Variants in ANK2 observed in about 807,000 individuals in gnomAD.
ANK2 encodes the protein ankyrin-2.
In ANK2, 83 loss-of-function variants were observed where a neutral mutation model predicts 360.5. The observed-to-expected ratio is 0.23, with a 90% CI of 0.19 to 0.28. ANK2 has a LOEUF of 0.28. Among genes scored for constraint, ANK2 ranks in the 10% least tolerant of loss-of-function variants. The pLI, the probability that ANK2 is intolerant of heterozygous loss-of-function variation, is 1.00. For missense variants in ANK2, 4,201 were observed against 4,795.7 expected (o/e 0.88, Z 3.66); for synonymous variants, 1,740 against 1,759.5 (o/e 0.99, Z 0.28).
At chr4:112,878,368 C>T (rs1257385644) in intron 1 of ANK2, among the ~76,000 whole-genome samples, 1 of 151,970 alleles carries the variant, frequency 6.6e-6, no homozygotes, top group African/African-American at 2.4e-5. Flanking sequence ...CTCTTGTTGC[C>T]CAGGCCTGAG....
intron 24 of ANK2, among the ~76,000 whole-genome samples, chr4:113,315,618 C>G (rs1370463263): frequency 1.3e-5 from 2 of 152,076 alleles, no homozygotes; most frequent in Non-Finnish European, 2.9e-5. Flanking sequence ...GCTGATCTAG[C>G]CCGGGCATAG....
At chr4:113,283,062 G>A (rs2063014157) in intron 18 of ANK2, among the ~76,000 whole-genome samples, 190 bp downstream of exon 18, 1 of 152,168 alleles carries the variant, frequency 6.6e-6, no homozygotes, top group Non-Finnish European at 1.5e-5. Context: ...AAGGGAGAGA[G>A]ACTCTCTGTA....
chr4:113,134,359 A>T (rs888655637), intron 1 of ANK2, among the ~76,000 whole-genome samples: 1 of 144,364 alleles, frequency 6.9e-6, no homozygotes. Context: ...AAAATGAAAA[A>T]GGAGGGCTAC....
chr4:112,977,321 A>G (rs2041763666), intron 2 of ANK2, among the ~76,000 whole-genome samples: 1 of 152,124 alleles, frequency 6.6e-6, no homozygotes, highest in Non-Finnish European at 1.5e-5. Flanking sequence ...ATAGCAGGGT[A>G]CATTTTTATT....
chr4:112,898,775 C>A (rs1005695286), intron 1 of ANK2, among the ~76,000 whole-genome samples: 27 of 152,156 alleles, frequency 1.8e-4, no homozygotes, highest in African/African-American at 6.5e-4. Context: ...AATAACTAAG[C>A]TCATGGCTTA....
At chr4:113,325,278 A>G (rs1342390552) in intron 26 of ANK2, among the ~76,000 whole-genome samples, 1 of 152,198 alleles carries the variant, frequency 6.6e-6, no homozygotes, top group Non-Finnish European at 1.5e-5. Context: ...ATATTTCCTG[A>G]AGTAATAGCA....
At chr4:112,860,318 C>T (rs1360854999) in intron 1 of ANK2, among the ~76,000 whole-genome samples, 1 of 152,094 alleles carries the variant, frequency 6.6e-6, no homozygotes, top group Non-Finnish European at 1.5e-5. Flanking sequence ...CCTCCGCCTC[C>T]CGGGTTCAAG....
At chr4:112,713,007 A>T in the ANK2 span, among the ~76,000 whole-genome samples, 1 of 152,128 alleles carries the variant, frequency 6.6e-6, no homozygotes, top group African/African-American at 2.4e-5. Flanking sequence ...TACTGTAGTC[A>T]AACAAAGGCT....
In ANK2 at chr4:113,274,591, A is replaced by C; in HGVS notation, c.1625A>C (p.Gln542Pro). 3 of 1,614,228 alleles carry C rather than the reference A, an allele frequency of 1.9e-6. No individual in the cohort carries two copies. The highest frequency in any genetic ancestry group is 2.5e-6 in the Non-Finnish European group (3 of 1,180,042). ...CTGCACATCTCTGCCCGGGAGGGCC[A>C]GGTGGATGTGGCATCAGTCCTATTG... ...TPLHISAREG[Q>P]VDVASVLLEA... The change falls in exon 15 of 46, where the codon CAG becomes CCG. Residue 542 changes from glutamine to proline, a missense_variant. Transcript: ENST00000357077.
At chr4:112,888,157 A>G (rs2078943339) in intron 1 of ANK2, among the ~76,000 whole-genome samples, 1 of 152,178 alleles carries the variant, frequency 6.6e-6, no homozygotes, top group Admixed American at 6.5e-5. Flanking sequence ...ATTTATATAT[A>G]TCATATTGAC....
rs2092252147 is a variant in ANK2, at chr4:112,924,604, C to T, written c.21+20090C>T. Among the ~76,000 whole-genome samples, 3 of 151,510 alleles carry T rather than the reference C, an allele frequency of 2.0e-5. No individual in the cohort carries two copies. In the South Asian group the frequency reaches 6.2e-4, roughly 32 times the overall value. On this transcript the variant is annotated intron_variant, in intron 2 of 30. Transcript: ENST00000503271. ...ACATATGAAATTAGATATTATGTAGCCATTTAAAAGTAGCTTTTAAAGAAA... is the reference window on the plus strand; with the variant it reads ...ACATATGAAATTAGATATTATGTAGTCATTTAAAAGTAGCTTTTAAAGAAA...
At chr4:112,736,033 C>A in the ANK2 span, among the ~76,000 whole-genome samples, 3 of 152,138 alleles carry the variant, frequency 2.0e-5, no homozygotes, top group East Asian at 5.8e-4. Context: ...GAATCCTATT[C>A]TTTCTTTTAG....
intron 2 of ANK2, among the ~76,000 whole-genome samples, chr4:112,971,341 A>G (rs1384015272): frequency 6.6e-6 from 1 of 152,222 alleles, no homozygotes; most frequent in Non-Finnish European, 1.5e-5. Context: ...CTCTGTCCCA[A>G]CTGAGTTGTA....
intron 1 of ANK2, among the ~76,000 whole-genome samples, chr4:112,887,761 G>A (rs2078836603): frequency 6.6e-6 from 1 of 151,740 alleles, no homozygotes; most frequent in Admixed American, 6.6e-5. Context: ...GTTGGTTATT[G>A]TTTTTATTCC....
chr4:112,931,388 T>C (rs938082189), intron 2 of ANK2, among the ~76,000 whole-genome samples: 1 of 152,022 alleles, frequency 6.6e-6, no homozygotes, highest in African/African-American at 2.4e-5. Context: ...AAAGCTTGAT[T>C]GAATACTATT....
rs1270193101 is a variant in ANK2 at position 113,325,266 on chromosome 4, A to T, written c.2901-4980A>T. ...GTTTTAACCATAAAGCAAAAATGAT[A>T]TATATTTCCTGAAGTAATAGCAGTT... On this transcript the variant is annotated intron_variant, in intron 26 of 45. Transcript: ENST00000357077. Among the ~76,000 whole-genome samples, 3 of 152,206 alleles carry T rather than the reference A, an allele frequency of 2.0e-5. No homozygotes were observed. In the South Asian group the frequency reaches 6.2e-4, roughly 31 times the overall value.
the ANK2 span, among the ~76,000 whole-genome samples, chr4:112,747,526 T>A: frequency 6.6e-6 from 1 of 152,220 alleles, no homozygotes; most frequent in Non-Finnish European, 1.5e-5. Context: ...TCCTAGGAAC[T>A]CTTGAGCTTG....
chr4:113,349,815 G>A (rs932382943), intron 36 of ANK2, among the ~76,000 whole-genome samples: 9 of 152,148 alleles, frequency 5.9e-5, no homozygotes, highest in South Asian at 2.1e-4. Flanking sequence ...TATTATTAAC[G>A]ATAATGAAAC....
the ANK2 span, chr4:112,788,733 C>T: frequency 1.3e-6 from 2 of 1,591,592 alleles, no homozygotes; most frequent in South Asian, 1.1e-5. Flanking sequence ...GGTGAGGTCT[C>T]TTTTGGGCTG....
Sources: gnomAD v4.1 joint callset for allele counts (sites outside exome capture counted in the v4.1 genomes callset) on GRCh38, gnomAD v4.1.1 for gene constraint, MANE v1.5 for transcripts, NCBI Gene and HGNC (gene_info 2026-07-23, HGNC 2026-07-21) for gene names.